SLC25A17: variants seen among roughly 807,000 people sequenced by gnomAD.
SLC25A17 encodes the protein solute carrier family 25 member 17, also known as peroxisomal membrane protein PMP34.
In SLC25A17, 26 loss-of-function variants were observed where a neutral mutation model predicts 38.5. The ratio of observed to expected loss-of-function variants is 0.68; its 90% CI spans 0.50 to 0.94. The LOEUF (loss-of-function observed/expected upper bound fraction) is 0.94, where lower values mean the gene tolerates loss of function less well. Among genes scored for constraint, SLC25A17 ranks in the 40% least tolerant of loss-of-function variants. SLC25A17 has a pLI of 0.00. For synonymous variants in SLC25A17, 139 were observed against 136.2 expected, an observed-to-expected ratio of 1.02 and a Z score of -0.14; for missense variants, 333 against 372.7, an observed-to-expected ratio of 0.89 and a Z score of 0.88.
intron 2 of SLC25A17, among the ~76,000 whole-genome samples, chr22:40,796,642 T>C (rs2145682171): frequency 1.3e-5 from 2 of 151,288 alleles, no homozygotes; most frequent in South Asian, 4.2e-4. Context: ...GAAGGCAATC[T>C]GGCAATAACC....
intron 5 of SLC25A17, 44 bp downstream of exon 5, chr22:40,778,965 A>G (rs769318166): frequency 1.3e-6 from 2 of 1,507,498 alleles, no homozygotes; most frequent in African/African-American, 2.7e-5. Flanking sequence ...GATACAAAGA[A>G]GGAAGAAAAC....
intron 1 of SLC25A17, among the ~76,000 whole-genome samples, chr22:40,813,087 T>C (rs191115939): frequency 4.1e-4 from 62 of 152,308 alleles, no homozygotes; most frequent in Non-Finnish European, 7.8e-4. Flanking sequence ...AATGGCCTCA[T>C]GGATGACACT....
intron 1 of SLC25A17, among the ~76,000 whole-genome samples, chr22:40,808,920 T>C (rs1170696130): frequency 6.6e-6 from 1 of 152,228 alleles, no homozygotes; most frequent in Non-Finnish European, 1.5e-5. Context: ...CCAAAGGCTA[T>C]GCATAAATGT....
chr22:40,792,202 C>T (rs902993267), intron 4 of SLC25A17, among the ~76,000 whole-genome samples: 4 of 151,092 alleles, frequency 2.6e-5, no homozygotes, highest in Non-Finnish European at 4.4e-5. Flanking sequence ...TCTTAGAAAC[C>T]GAAAGTAGAA....
intron 7 of SLC25A17, 99 bp from the exon 8 acceptor site, chr22:40,774,118 C>T (rs2057216614): frequency 5.9e-6 from 4 of 677,518 alleles, no homozygotes; most frequent in Non-Finnish European, 1.1e-5. Context: ...TATCTTATAG[C>T]ATACATTAAT....
At chr22:40,779,204 A>G (rs758486561) in intron 4 of SLC25A17, 79 bp from the exon 5 acceptor site, 4 of 1,606,854 alleles carry the variant, frequency 2.5e-6, no homozygotes, top group Non-Finnish European at 3.4e-6. Flanking sequence ...GCTACATACC[A>G]ATATTCCATT....
At chr22:40,774,958 A>T (rs1156857339) in intron 7 of SLC25A17, among the ~76,000 whole-genome samples, 2 of 151,998 alleles carry the variant, frequency 1.3e-5, no homozygotes, top group Non-Finnish European at 2.9e-5. Context: ...CTCCAGTGCC[A>T]CCACCGTGGT....
intron 1 of SLC25A17, among the ~76,000 whole-genome samples, chr22:40,801,129 A>T (rs1166189410): frequency 0.02 from 26 of 1,330 alleles, no homozygotes; most frequent in African/African-American, 0.073. Context: ...AATATATTAC[A>T]TATATATATA....
intron 1 of SLC25A17, among the ~76,000 whole-genome samples, chr22:40,806,056 T>A (rs906535894): frequency 6.6e-6 from 1 of 152,192 alleles, no homozygotes; most frequent in Admixed American, 6.6e-5. Flanking sequence ...CAAAGGTGAC[T>A]TGGAGCACCC....
intron 2 of SLC25A17, among the ~76,000 whole-genome samples, chr22:40,794,847 G>A (rs969160506): frequency 3.9e-5 from 6 of 152,048 alleles, no homozygotes; most frequent in African/African-American, 1.4e-4. Context: ...TTGAACTCCT[G>A]ACCTCAAGTG....
At chr22:40,788,852 A>T (rs565796484) in intron 4 of SLC25A17, 1 of 248,814 alleles carries the variant, frequency 4.0e-6, no homozygotes, top group South Asian at 6.2e-5. Context: ...GTTCTGGTAA[A>T]TCTAGTCATT....
intron 8 of SLC25A17, 76 bp from the exon 9 acceptor site, chr22:40,771,057 A>G (rs1208142211): frequency 7.8e-7 from 1 of 1,286,688 alleles, no homozygotes; most frequent in Non-Finnish European, 1.0e-6. Context: ...AGCTACTTTG[A>G]TAAGAACAAG....
chr22:40,774,091 A>T (rs1281367196), intron 7 of SLC25A17, 72 bp from the exon 8 acceptor site: 2 of 900,818 alleles, frequency 2.2e-6, no homozygotes, highest in East Asian at 4.8e-5. Context: ...CCTGGGGAGG[A>T]TATTATGTTG....
At chr22:40,776,261 G>T (rs1208004022) in intron 7 of SLC25A17, 1 of 466,002 alleles carries the variant, frequency 2.1e-6, no homozygotes, top group African/African-American at 2.0e-5. Context: ...GCATGCCCAG[G>T]TCCTCCCACA....
chr22:40,818,993 A>G lies in SLC25A17; in HGVS notation c.54+202T>C, dbSNP rs1211808173. 3.9e-5 allele frequency among the ~76,000 whole-genome samples: 6 copies of G among 152,124 alleles called. No homozygotes were observed. The East Asian group carries it at 9.7e-4, about 24-fold the overall frequency. The stretch of plus-strand genomic sequence containing the variant: ...ACCCCGCAGTCTCTAGGAGACCAGG[A>G]GGTGGCGGAGTCTCGGCCCTTACCC... On this transcript the variant is annotated intron_variant, in intron 1 of 8. Transcript: ENST00000435456.
At chr22:40,818,825 G>A (rs1316362267) in intron 1 of SLC25A17, among the ~76,000 whole-genome samples, 2 of 152,064 alleles carry the variant, frequency 1.3e-5, no homozygotes, top group Non-Finnish European at 1.5e-5. Context: ...AGGGAAGCAT[G>A]TGACTAAGCA....
chr22:40,796,493 G>T (rs2057430985), intron 2 of SLC25A17, among the ~76,000 whole-genome samples: 1 of 151,902 alleles, frequency 6.6e-6, no homozygotes, highest in Non-Finnish European at 1.5e-5. Context: ...ACAAAAATTA[G>T]CTGGGCATGG....
intron 1 of SLC25A17, among the ~76,000 whole-genome samples, chr22:40,803,685 A>G (rs1311303213): frequency 6.6e-6 from 1 of 152,210 alleles, no homozygotes; most frequent in Non-Finnish European, 1.5e-5. Flanking sequence ...TTGCTGGATC[A>G]TATGGTAGTT....
Position 40,777,139 on chromosome 22 carries a change from G to T in SLC25A17, c.598-4C>A, listed in dbSNP as rs1305803468. ...TGAACACATCCAAGGAAGAAAGCTG[G>T]AAAGCAAAGGAAGAACAAACCATAT... On this transcript the variant is annotated splice_region_variant and splice_polypyrimidine_tract_variant and intron_variant, in intron 6 of 8. Transcript: ENST00000435456. 6.2e-6 allele frequency: 10 copies of T among 1,613,940 alleles called. No individual in the cohort carries two copies. In the African/African-American group the frequency reaches 9.4e-5, roughly 15 times the overall value.
Sources: gnomAD v4.1 joint callset for allele counts (sites outside exome capture counted in the v4.1 genomes callset) on GRCh38, gnomAD v4.1.1 for gene constraint, MANE v1.5 for transcripts, NCBI Gene and HGNC (gene_info 2026-07-23, HGNC 2026-07-21) for gene names.